Variants in NLRP7 observed in about 807,000 individuals in gnomAD.
The protein encoded by NLRP7 is NACHT, LRR and PYD domains-containing protein 7.
A neutral mutation model predicts 85.5 loss-of-function variants in NLRP7; 72 were observed. The ratio of observed to expected loss-of-function variants is 0.84; its 90% CI spans 0.70 to 1.02. NLRP7 has a LOEUF of 1.02. Ranked by LOEUF, NLRP7 falls within the 50% of genes least tolerant of loss-of-function variation. The pLI, the probability that NLRP7 is intolerant of heterozygous loss-of-function variation, is 0.00. For synonymous variants in NLRP7, 550 were observed against 505.2 expected (o/e 1.09, Z -1.19); for missense variants, 1,243 against 1,219.5 (o/e 1.02, Z -0.29).
chr19:54,959,340 T>C (rs1175666093), intron 1 of NLRP7, among the ~76,000 whole-genome samples: 1 of 150,718 alleles, frequency 6.6e-6, no homozygotes, highest in East Asian at 2.0e-4. Flanking sequence ...GGTTTCACCA[T>C]GTTGGCCAGG....
intron 9 of NLRP7, 145 bp downstream of exon 10, chr19:54,927,460 G>T: frequency 1.4e-6 from 1 of 737,072 alleles, no homozygotes. Context: ...TGAGGCTGAG[G>T]CAGGAGAATT....
At chr19:54,963,259 G>A (rs1339850966) in intron 1 of NLRP7, among the ~76,000 whole-genome samples, 2 of 152,014 alleles carry the variant, frequency 1.3e-5, no homozygotes, top group Non-Finnish European at 2.9e-5. Flanking sequence ...CTAGTCAGGC[G>A]TGATGGCGTA....
At chr19:54,950,325 G>A (rs371960389), upstream of NLRP7, among the ~76,000 whole-genome samples, 3 of 152,090 alleles carry the variant, frequency 2.0e-5, no homozygotes, top group African/African-American at 7.2e-5. Context: ...GGCATTTCTC[G>A]TTAGGTGGAA....
At chr19:54,924,610 T>C (rs889785248) in intron 9 of NLRP7, among the ~76,000 whole-genome samples, 10 of 151,348 alleles carry the variant, frequency 6.6e-5, no homozygotes, top group African/African-American at 2.2e-4. Flanking sequence ...GGTAACAGAG[T>C]AAAACATGCC....
rs145414201 is a variant in NLRP7 at position 54,940,028 on chromosome 19, G to T, written c.791C>A (p.Ala264Glu). The change falls in exon 4 of 10, where the codon GCG (alanine) becomes GAG (glutamate). Residue 264 changes from alanine (A) to glutamate (E), a missense_variant. By Grantham distance (107) the Ala-to-Glu change is moderately radical. Transcript: ENST00000340844. ...GTCCCCGCAGATGTCCTGGATCAGC[G>T]CCCCAGGTGGGACTTTCAGCTCATC... The T allele has an allele frequency of 3.4e-4, 556 of 1,614,022 alleles. 1 individual carries two copies. Among genetic ancestry groups the T allele is most frequent in the Non-Finnish European group, 4.5e-4 (532 of 1,180,010 alleles).
At chr19:54,938,169 G>A (rs1198019721) in exon 5 of NLRP7, 4 of 1,614,050 alleles carry the variant, frequency 2.5e-6, no homozygotes, top group Non-Finnish European at 2.5e-6. Context: ...TGAAGAGAGA[G>A]CAGAAATCTG....
intron 9 of NLRP7, among the ~76,000 whole-genome samples, chr19:54,924,524 G>A (rs983880414): frequency 3.3e-5 from 5 of 152,046 alleles, no homozygotes; most frequent in South Asian, 2.1e-4. Flanking sequence ...CTCGGGAGGC[G>A]GAGGCAAGAG....
At chr19:54,935,846 C>A (rs1055619296) in intron 6 of NLRP7, among the ~76,000 whole-genome samples, 17 of 152,118 alleles carry the variant, frequency 1.1e-4, no homozygotes, top group African/African-American at 3.9e-4. Context: ...CAGGCACCAA[C>A]GATTAGCTCC....
rs370871293 is a variant in NLRP7 at position 54,958,267 on chromosome 19, TAGG to T, written c.-77+7770_-77+7772del. ...TTCAGACTTATCTAACATTGACACT[TAGG>T]AGAAGTAGGGAGAAAGAGGTGGGAA... On this transcript the variant is annotated intron_variant, in intron 1 of 2. Transcript: ENST00000587103. 2.3e-3 allele frequency among the ~76,000 whole-genome samples: 356 copies of T among 151,928 alleles called. 4 individuals carry two copies. Among genetic ancestry groups the T allele is most frequent in the African/African-American group, 8.4e-3 (347 of 41,420 alleles).
chr19:54,958,361 G>T (rs1426051998), intron 1 of NLRP7, among the ~76,000 whole-genome samples: 2 of 152,116 alleles, frequency 1.3e-5, no homozygotes, highest in Non-Finnish European at 2.9e-5. Context: ...AACTAGTATT[G>T]CCGGGTGCAG....
intron 1 of NLRP7, among the ~76,000 whole-genome samples, chr19:54,946,944 A>AT (rs1244694599): frequency 1.3e-5 from 2 of 151,758 alleles, no homozygotes; most frequent in East Asian, 3.9e-4. Flanking sequence ...CTGGCCTTAT[A>AT]TTTTTTTGTA....
At chr19:54,960,844 C>T (rs2070018238) in intron 1 of NLRP7, among the ~76,000 whole-genome samples, 1 of 151,988 alleles carries the variant, frequency 6.6e-6, no homozygotes. Context: ...ATCCGCTTGC[C>T]TCGGCCTCCC....
rs969595463 is a variant in NLRP7, at chr19:54,954,290, G to T, written c.-76-6785C>A. On this transcript the variant is annotated intron_variant, in intron 1 of 2. Transcript: ENST00000587103. The stretch of plus-strand genomic sequence containing the variant: ...GCCTGTAATCCCAGCACTTTGGGAG[G>T]CCGAGGCGGGTGGATCATGAGGTCA... 5.4e-5 allele frequency among the ~76,000 whole-genome samples: 8 copies of T among 148,574 alleles called. 1 individual carries two copies. Among genetic ancestry groups the T allele is most frequent in the Non-Finnish European group, 1.2e-4 (8 of 66,746 alleles).
rs764124319 is a variant in NLRP7, at chr19:54,938,202, A to G, written c.1971T>C (p.Asp657=). The change falls in exon 5 of 10, where the codon GAT becomes GAC. Residue 657 remains aspartate (D), a synonymous_variant. Transcript: ENST00000340844. ...CTGTCCAGAGGCGAAGAGAGCGAAG[A>G]TCCTGCCGAGCCCAGTTCGGAATGG... 5.6e-6 allele frequency: 9 copies of G among 1,613,974 alleles called. No individual in the cohort carries two copies. In the African/African-American group the frequency reaches 1.2e-4, roughly 22 times the overall value.
At chr19:54,947,579 C>A (rs2069530341), upstream of NLRP7, 1 of 1,289,568 alleles carries the variant, frequency 7.8e-7, no homozygotes, top group African/African-American at 1.5e-5. Context: ...CTTTCCCGCC[C>A]AGGGTGGAAC....
rs572518976 is a variant in NLRP7 at position 54,954,303 on chromosome 19, G to A, written c.-76-6798C>T. On this transcript the variant is annotated intron_variant, in intron 1 of 2. Transcript: ENST00000587103. ...GCACTTTGGGAGGCCGAGGCGGGTG[G>A]ATCATGAGGTCAGGAGATTGAGACC... Among the ~76,000 whole-genome samples the A allele has an allele frequency of 6.2e-5, 9 of 144,052 alleles. No individual in the cohort carries two copies. The East Asian group carries it at 1.8e-3, about 29-fold the overall frequency. 94.5% of individuals were successfully genotyped at this position (144,052 alleles called of 152,430 possible). A position where few individuals can be genotyped will look rare whatever the true frequency, so the allele number is the denominator to read the frequency against.
chr19:54,948,635 A>G (rs1294636751), upstream of NLRP7, among the ~76,000 whole-genome samples: 1 of 152,010 alleles, frequency 6.6e-6, no homozygotes, highest in African/African-American at 2.4e-5. Flanking sequence ...CAGTGGTGCA[A>G]TCTCCATTCT....
At chr19:54,954,247 GC>G (rs1232735094) in intron 1 of NLRP7, among the ~76,000 whole-genome samples, 5 of 148,502 alleles carry the variant, frequency 3.4e-5, no homozygotes, top group African/African-American at 1.2e-4. Context: ...TGGGCAACCG[GC>G]CGGGCGCGGT....
chr19:54,933,538 GCACA>G, intron 8 of NLRP7, 27 bp downstream of exon 8: 4 of 1,586,862 alleles, frequency 2.5e-6, no homozygotes, highest in African/African-American at 1.3e-5. Context: ...GAATTCATGT[GCACA>G]CACACACACA....
Sources: allele counts gnomAD v4.1 joint callset (sites outside exome capture counted in the v4.1 genomes callset), GRCh38; gene constraint gnomAD v4.1.1; transcripts MANE v1.5; gene names NCBI Gene and HGNC (gene_info 2026-07-23, HGNC 2026-07-21).